The following NUTM2B variants were observed in gnomAD, a reference collection of about 807,000 sequenced individuals.
NUTM2B encodes family with sequence similarity 22, member B.
In NUTM2B, 2 loss-of-function variants were observed where a neutral mutation model predicts 42.4. The observed-to-expected ratio is 0.05, with a 90% confidence interval of 0.02 to 0.15. The LOEUF is 0.15. Ranked by LOEUF, NUTM2B falls within the 10% of genes least tolerant of loss-of-function variation. The pLI is 1.00. For synonymous variants in NUTM2B, 18 were observed against 402.4 expected (o/e 0.04, Z 11.43); for missense variants, 58 against 952.6 (o/e 0.06, Z 12.36).
upstream of NUTM2B, among the ~76,000 whole-genome samples, chr10:79,700,959 G>A (rs1249736235): frequency 5.9e-5 from 9 of 152,200 alleles, no homozygotes; most frequent in Non-Finnish European, 1.0e-4. Context: ...AGAAACCAGC[G>A]CGTCCGCAAC....
At chr10:79,693,703 G>C in the NUTM2B span, among the ~76,000 whole-genome samples, 5 of 152,178 alleles carry the variant, frequency 3.3e-5, no homozygotes, top group Non-Finnish European at 7.3e-5. Context: ...ATACATTACA[G>C]TGCATTTTTT....
At chr10:79,692,926 G>A in the NUTM2B span, among the ~76,000 whole-genome samples, 1 of 152,174 alleles carries the variant, frequency 6.6e-6, no homozygotes, top group South Asian at 2.1e-4. Context: ...AGACCACTGA[G>A]CCCCAAGCTG....
upstream of NUTM2B, among the ~76,000 whole-genome samples, chr10:79,699,420 C>A (rs1208529272): frequency 6.6e-6 from 1 of 151,992 alleles, no homozygotes; most frequent in East Asian, 1.9e-4. Flanking sequence ...CTCCTACACA[C>A]TCTCACAAAA....
the NUTM2B span, among the ~76,000 whole-genome samples, chr10:79,692,224 C>T: frequency 2.6e-5 from 4 of 152,166 alleles, no homozygotes; most frequent in Non-Finnish European, 5.9e-5. Flanking sequence ...AGTTATGTTC[C>T]GTATGGACTA....
At chr10:79,710,673 A>G in exon 5 of NUTM2B, 1 of 1,546,016 alleles carries the variant, frequency 6.5e-7, no homozygotes, top group South Asian at 1.1e-5. Flanking sequence ...GGCAAAGTGA[A>G]GCAGCCACAG....
At chr10:79,699,180 C>T (rs985175305), upstream of NUTM2B, among the ~76,000 whole-genome samples, 7 of 151,738 alleles carry the variant, frequency 4.6e-5, no homozygotes, top group South Asian at 2.1e-4. Flanking sequence ...ATACGTAAAC[C>T]AAACAGAGCG....
At chr10:79,698,419 GT>G (rs1564708269), upstream of NUTM2B, among the ~76,000 whole-genome samples, 1 of 146,726 alleles carries the variant, frequency 6.8e-6, no homozygotes, top group Non-Finnish European at 1.5e-5. Context: ...TAACAATCCC[GT>G]ATTCTATAAA....
At chr10:79,693,860 C>T in the NUTM2B span, among the ~76,000 whole-genome samples, 5 of 152,302 alleles carry the variant, frequency 3.3e-5, no homozygotes, top group Admixed American at 6.5e-5. Context: ...AGGGAAGTGG[C>T]TATCAGAACA....
At chr10:79,700,781 G>A (rs1372832086), upstream of NUTM2B, among the ~76,000 whole-genome samples, 2 of 152,328 alleles carry the variant, frequency 1.3e-5, no homozygotes, top group Non-Finnish European at 2.9e-5. Flanking sequence ...CCGGCCTCGC[G>A]CTGGAACCTC....
chr10:79,700,466 G>A (rs1470115656), upstream of NUTM2B, among the ~76,000 whole-genome samples: 1 of 152,282 alleles, frequency 6.6e-6, no homozygotes, highest in Non-Finnish European at 1.5e-5. Context: ...GGTGAGCAAG[G>A]GAAAGGAGCG....
At chr10:79,699,826 TA>T, upstream of NUTM2B, among the ~76,000 whole-genome samples, 1 of 152,242 alleles carries the variant, frequency 6.6e-6, no homozygotes, top group Admixed American at 6.5e-5. Context: ...TCTCACCAAT[TA>T]AATACATATC....
chr10:79,699,316 A>C (rs537407696), upstream of NUTM2B, among the ~76,000 whole-genome samples: 6 of 151,892 alleles, frequency 4.0e-5, no homozygotes, highest in Non-Finnish European at 5.9e-5. Context: ...AACACATGGA[A>C]AATACATCTT....
intron 2 of NUTM2B, among the ~76,000 whole-genome samples, chr10:79,707,396 A>G (rs1465993149): frequency 7.5e-6 from 1 of 133,076 alleles, no homozygotes; most frequent in Non-Finnish European, 1.6e-5. Context: ...ATGCTATGAC[A>G]CATTACATGA....
upstream of NUTM2B, among the ~76,000 whole-genome samples, chr10:79,700,494 A>G (rs1215331115): frequency 6.6e-6 from 1 of 152,274 alleles, no homozygotes; most frequent in Non-Finnish European, 1.5e-5. Flanking sequence ...GGCGTCCCGC[A>G]GGGCCCCCAC....
chr10:79,701,212 T>C (rs387079), upstream of NUTM2B, among the ~76,000 whole-genome samples: 32 of 151,490 alleles, frequency 2.1e-4, no homozygotes, highest in Middle Eastern at 3.4e-3. Context: ...GATTTTTAGA[T>C]CTGAAAACAC....
At chr10:79,698,821 T>A (rs1343503714), upstream of NUTM2B, among the ~76,000 whole-genome samples, 2 of 150,520 alleles carry the variant, frequency 1.3e-5, no homozygotes, top group African/African-American at 4.9e-5. Flanking sequence ...TCAATACTCA[T>A]GTATTTGTCT....
upstream of NUTM2B, among the ~76,000 whole-genome samples, chr10:79,702,628 C>T (rs910322218): frequency 5.3e-5 from 8 of 150,514 alleles, no homozygotes; most frequent in East Asian, 2.0e-4. Flanking sequence ...CAGTGTGCAC[C>T]GGTCTGGCTG....
At position 79,711,973 on chromosome 10, in the gene NUTM2B, C is replaced by T. The variant is rs562993860; in HGVS notation, c.2125C>T (p.Leu709=). ...TTTGGGATGTCAGGATTCCCCTGGG[C>T]TGAGGGCTGCCTGGCCAACCTCTCC... The change falls in exon 7 of 7, where the codon CTG becomes TTG. Residue 709 remains leucine (L), a synonymous_variant. Coordinates refer to ENST00000429828, the Ensembl canonical transcript of NUTM2B. 942 of 1,379,850 alleles carry T rather than the reference C, an allele frequency of 6.8e-4. 4 individuals carry two copies. The East Asian group carries it at 0.028, about 41-fold the overall frequency. The allele number at this position is 1,379,850 out of a possible 1,614,324, so 85.5% of individuals were successfully genotyped here. A position where few individuals can be genotyped will look rare whatever the true frequency, so the allele number is the denominator to read the frequency against.
At chr10:79,692,491 T>C in the NUTM2B span, among the ~76,000 whole-genome samples, 2 of 152,204 alleles carry the variant, frequency 1.3e-5, no homozygotes, top group African/African-American at 4.8e-5. Flanking sequence ...GACCTGACCA[T>C]GGCTGCCCCT....
Sources: allele counts gnomAD v4.1 joint callset (sites outside exome capture counted in the v4.1 genomes callset), GRCh38; gene constraint gnomAD v4.1.1; transcripts MANE v1.5; gene names NCBI Gene and HGNC (gene_info 2026-07-23, HGNC 2026-07-21).